The following CSMD1 variants were observed in gnomAD, a reference collection of about 807,000 sequenced individuals.
The protein encoded by CSMD1 is CUB and Sushi multiple domains 1, also known as CUB and sushi domain-containing protein 1.
Under a neutral mutation model 417.5 loss-of-function variants are expected in CSMD1, and 213 were observed. The ratio of observed to expected loss-of-function variants is 0.51; its 90% CI spans 0.46 to 0.57. The LOEUF (loss-of-function observed/expected upper bound fraction) is 0.57, where lower values mean the gene tolerates loss of function less well. CSMD1 is among the 20% of genes least tolerant of loss of function. CSMD1 has a pLI of 0.00. For missense variants in CSMD1, 6,923 were observed against 4,529.7 expected, an observed-to-expected ratio of 1.53 and a Z score of -15.17; for synonymous variants, 2,862 against 1,736.8, an observed-to-expected ratio of 1.65 and a Z score of -16.11.
At chr8:3,231,369 G>C (rs1163966610) in intron 26 of CSMD1, among the ~76,000 whole-genome samples, 1 of 151,434 alleles carries the variant, frequency 6.6e-6, no homozygotes, top group Non-Finnish European at 1.5e-5. Flanking sequence ...TTATGAAAGA[G>C]CAAAAAAAAA....
intron 26 of CSMD1, among the ~76,000 whole-genome samples, chr8:3,239,497 G>A (rs1274184867): frequency 6.6e-6 from 1 of 152,174 alleles, no homozygotes; most frequent in African/African-American, 2.4e-5. Flanking sequence ...TGCTGACTCG[G>A]GGCATGTTGA....
chr8:4,607,625 C>T (rs1800948129), intron 2 of CSMD1, among the ~76,000 whole-genome samples: 2 of 151,876 alleles, frequency 1.3e-5, no homozygotes. Context: ...GTTCTGGCGC[C>T]AGCCATTTTT....
At chr8:4,282,415 A>T (rs909394088) in intron 3 of CSMD1, among the ~76,000 whole-genome samples, 2 of 152,162 alleles carry the variant, frequency 1.3e-5, no homozygotes, top group African/African-American at 4.8e-5. Flanking sequence ...CATCCCAAGG[A>T]TGTCCTCTTC....
chr8:4,040,555 T>C (rs1012583640), intron 3 of CSMD1, among the ~76,000 whole-genome samples: 1 of 152,206 alleles, frequency 6.6e-6, no homozygotes, highest in African/African-American at 2.4e-5. Flanking sequence ...TGTGATTAGA[T>C]CTACGGTGTT....
intron 51 of CSMD1, among the ~76,000 whole-genome samples, chr8:3,023,390 C>G (rs1563249188): frequency 6.6e-6 from 1 of 152,072 alleles, no homozygotes; most frequent in Non-Finnish European, 1.5e-5. Context: ...TAAATATGAA[C>G]AGTAAGTCGA....
intron 1 of CSMD1, among the ~76,000 whole-genome samples, chr8:4,640,285 T>C (rs1803111724): frequency 6.6e-6 from 1 of 152,236 alleles, no homozygotes; most frequent in Non-Finnish European, 1.5e-5. Context: ...AATATCATCG[T>C]TGGCTGTCCA....
chr8:4,120,238 A>G (rs1258516795), intron 3 of CSMD1, among the ~76,000 whole-genome samples: 2 of 152,032 alleles, frequency 1.3e-5, no homozygotes, highest in Non-Finnish European at 2.9e-5. Flanking sequence ...GACAGCCATG[A>G]CTCCTGGGGC....
At chr8:3,366,092 C>A (rs911257221) in intron 20 of CSMD1, among the ~76,000 whole-genome samples, 2 of 152,136 alleles carry the variant, frequency 1.3e-5, no homozygotes, top group African/African-American at 4.8e-5. Context: ...TACCCAGGGA[C>A]CACCTTATGA....
intron 10 of CSMD1, among the ~76,000 whole-genome samples, chr8:3,562,779 G>A (rs920305305): frequency 5.9e-5 from 9 of 152,034 alleles, no homozygotes; most frequent in African/African-American, 1.9e-4. Context: ...AGGGTGGAGG[G>A]TGGGAGGGGG....
At chr8:4,455,929 C>CAAA (rs71207091) in intron 2 of CSMD1, among the ~76,000 whole-genome samples, 236 of 11,634 alleles carry the variant, frequency 0.02, 64 homozygotes, top group South Asian at 0.027. Context: ...ACTCCAACTC[C>CAAA]AAAAAAAAAA....
At chr8:4,776,478 C>T (rs966362239) in intron 1 of CSMD1, among the ~76,000 whole-genome samples, 1 of 152,114 alleles carries the variant, frequency 6.6e-6, no homozygotes, top group Non-Finnish European at 1.5e-5. Flanking sequence ...GAACAAGAAG[C>T]AGAGTTGTGG....
At chr8:4,317,944 G>C (rs951953925) in intron 3 of CSMD1, among the ~76,000 whole-genome samples, 1 of 152,096 alleles carries the variant, frequency 6.6e-6, no homozygotes, top group African/African-American at 2.4e-5. Flanking sequence ...ATATGTTGCC[G>C]TTCCGAATTT....
At chr8:4,109,458 C>T (rs1316657068) in intron 3 of CSMD1, among the ~76,000 whole-genome samples, 1 of 152,154 alleles carries the variant, frequency 6.6e-6, no homozygotes, top group Non-Finnish European at 1.5e-5. Flanking sequence ...TACCACACCA[C>T]TAAATATGTA....
chr8:4,583,835 G>A (rs1006006362), intron 2 of CSMD1, among the ~76,000 whole-genome samples: 1 of 151,948 alleles, frequency 6.6e-6, no homozygotes. Flanking sequence ...ACCCACTCGT[G>A]TCCCCTTCCA....
chr8:4,200,219 G>C (rs969448547), intron 3 of CSMD1, among the ~76,000 whole-genome samples: 2 of 152,026 alleles, frequency 1.3e-5, no homozygotes, highest in African/African-American at 4.8e-5. Context: ...ATGAAATTCT[G>C]GCCAGCATTT....
chr8:3,979,621 G>A (rs936687770), intron 5 of CSMD1, among the ~76,000 whole-genome samples: 3 of 152,320 alleles, frequency 2.0e-5, no homozygotes, highest in Admixed American at 6.5e-5. Context: ...TATAAAAAGA[G>A]GAAGAGATTC....
chr8:4,427,542 T>C (rs961390338), intron 2 of CSMD1, among the ~76,000 whole-genome samples: 1 of 151,946 alleles, frequency 6.6e-6, no homozygotes, highest in Non-Finnish European at 1.5e-5. Context: ...CAGTGAATCA[T>C]GTGAGTATAT....
chr8:3,228,947 G>A (rs1444381921), intron 27 of CSMD1, among the ~76,000 whole-genome samples: 1 of 152,110 alleles, frequency 6.6e-6, no homozygotes, highest in African/African-American at 2.4e-5. Context: ...CAGACGCTAT[G>A]AAAAGTAAAC....
At chr8:3,376,322 GAAC>G (rs1810299051) in intron 18 of CSMD1, among the ~76,000 whole-genome samples, 1 of 151,910 alleles carries the variant, frequency 6.6e-6, no homozygotes, top group African/African-American at 2.4e-5. Context: ...CAAATGCCAA[GAAC>G]AACAAATTTG....
Sources: gnomAD v4.1 joint callset for allele counts (sites outside exome capture counted in the v4.1 genomes callset) on GRCh38, gnomAD v4.1.1 for gene constraint, MANE v1.5 for transcripts, NCBI Gene and HGNC (gene_info 2026-07-23, HGNC 2026-07-21) for gene names.